The following BARX2 variants were observed in gnomAD, a reference collection of about 807,000 sequenced individuals.
The protein encoded by BARX2 is homeobox protein BarH-like 2.
A neutral mutation model predicts 25.5 loss-of-function variants in BARX2; 11 were observed. The observed-to-expected ratio is 0.43, with a 90% CI of 0.27 to 0.71. The LOEUF (loss-of-function observed/expected upper bound fraction) is 0.71. Among genes scored for constraint, BARX2 ranks in the 30% least tolerant of loss-of-function variants. The pLI, the probability that BARX2 is intolerant of heterozygous loss-of-function variation, is 0.19. For missense variants in BARX2, 360 were observed against 359.9 expected, an observed-to-expected ratio of 1.00 and a Z score of 0.00; for synonymous variants, 137 against 149.5, an observed-to-expected ratio of 0.92 and a Z score of 0.61.
intron 1 of BARX2, among the ~76,000 whole-genome samples, chr11:129,435,773 T>C (rs1862181253): frequency 6.6e-6 from 1 of 152,254 alleles, no homozygotes; most frequent in African/African-American, 2.4e-5. Context: ...TTTTAAGCTC[T>C]GTGTTGAATA....
At chr11:129,445,463 G>A (rs770082780) in intron 3 of BARX2, among the ~76,000 whole-genome samples, 51 of 152,330 alleles carry the variant, frequency 3.3e-4, no homozygotes, top group Non-Finnish European at 6.0e-4. Flanking sequence ...CAGCAACAGC[G>A]TTGCTGGCAT....
chr11:129,428,552 T>A (rs988676543), intron 1 of BARX2, among the ~76,000 whole-genome samples: 1 of 152,240 alleles, frequency 6.6e-6, no homozygotes, highest in Non-Finnish European at 1.5e-5. Context: ...GGGTCAATGC[T>A]ACTTTGTTGG....
In BARX2 at chr11:129,382,511, G is replaced by A. The variant is rs140643899; in HGVS notation, c.187+6289G>A. Among the ~76,000 whole-genome samples the A allele has an allele frequency of 2.0e-4, 31 of 152,242 alleles. No individual in the cohort carries two copies. In the East Asian group the frequency reaches 5.2e-3, roughly 26 times the overall value. On this transcript the variant is annotated intron_variant, in intron 1 of 3. Transcript: ENST00000281437. Reference sequence around the variant, plus strand: ...CTTAATTTGTACTGAGCTCGTGAACGTGCATGCTATGGAGCCTGAGGGTCT... The same window carrying A: ...CTTAATTTGTACTGAGCTCGTGAACATGCATGCTATGGAGCCTGAGGGTCT...
chr11:129,404,730 G>T (rs73024960), intron 1 of BARX2, among the ~76,000 whole-genome samples: 4,447 of 152,262 alleles, frequency 0.029, 74 homozygotes, highest in Middle Eastern at 0.068. Context: ...TTTGGTGTGA[G>T]CAGTGAATGG....
intron 1 of BARX2, among the ~76,000 whole-genome samples, chr11:129,388,512 T>G (rs114641459): frequency 6.6e-6 from 1 of 152,222 alleles, no homozygotes; most frequent in African/African-American, 2.4e-5. Flanking sequence ...TCATTCATTA[T>G]CAACTAGAGA....
intron 1 of BARX2, among the ~76,000 whole-genome samples, chr11:129,428,778 C>A (rs887695860): frequency 6.6e-6 from 1 of 152,134 alleles, no homozygotes; most frequent in South Asian, 2.1e-4. Flanking sequence ...TGCCTCATTG[C>A]GATTCTATTT....
At chr11:129,449,893 G>A (rs1045624495) in intron 3 of BARX2, among the ~76,000 whole-genome samples, 2 of 152,166 alleles carry the variant, frequency 1.3e-5, no homozygotes, top group Non-Finnish European at 2.9e-5. Flanking sequence ...ACGGCAGAGG[G>A]CATTTAACCT....
rs556827769 is a variant in BARX2 at position 129,441,504 on chromosome 11, C to T, written c.489-1331C>T. 6.6e-5 allele frequency among the ~76,000 whole-genome samples: 10 copies of T among 152,230 alleles called. No individual in the cohort carries two copies. The East Asian group carries it at 7.7e-4, about 12-fold the overall frequency. ...CACTCCATTGCCTAGGCTGCAGTGC[C>T]GTGGCGCCATCTCGGCTCACTGCAA... is the stretch of plus-strand genomic sequence containing the variant. On this transcript the variant is annotated intron_variant, in intron 2 of 3. Transcript: ENST00000281437.
intron 1 of BARX2, among the ~76,000 whole-genome samples, chr11:129,380,574 G>A (rs1861552464): frequency 6.6e-6 from 1 of 152,090 alleles, no homozygotes; most frequent in Non-Finnish European, 1.5e-5. Context: ...CAAGGTCTGG[G>A]AAAAATGATC....
chr11:129,433,466 C>T (rs923645381), intron 1 of BARX2, among the ~76,000 whole-genome samples: 6 of 152,178 alleles, frequency 3.9e-5, no homozygotes, highest in African/African-American at 1.4e-4. Context: ...TTAAAAATCA[C>T]ATTTTGAATA....
intron 1 of BARX2, among the ~76,000 whole-genome samples, chr11:129,381,234 C>T (rs1861560862): frequency 6.6e-6 from 1 of 152,148 alleles, no homozygotes; most frequent in African/African-American, 2.4e-5. Context: ...TAATTTCATG[C>T]AACAAATATT....
intron 1 of BARX2, among the ~76,000 whole-genome samples, chr11:129,417,859 TC>T (rs1861961817): frequency 1.3e-5 from 2 of 152,242 alleles, no homozygotes; most frequent in African/African-American, 4.8e-5. Flanking sequence ...TTCGTAAGTT[TC>T]TATTTTCTGA....
Position 129,376,827 on chromosome 11 carries a change from T to C in BARX2, c.187+605T>C, listed in dbSNP as rs1861509522. On this transcript the variant is annotated intron_variant, in intron 1 of 3. Transcript: ENST00000281437. The surrounding 1 kb of genome is among the most constrained non-coding windows in gnomAD (Gnocchi z 4.2). ...TCAAGCCGAAAAGGTCACCCTCGTT[T>C]GTCTTAAGTGACCAAAACCAGCAAT... 6.6e-6 allele frequency among the ~76,000 whole-genome samples: 1 copy of C among 152,258 alleles called. No homozygotes were observed. Among genetic ancestry groups the C allele is most frequent in the Non-Finnish European group, 1.5e-5 (1 of 68,040 alleles).
At chr11:129,430,212 G>A (rs1353112) in intron 1 of BARX2, among the ~76,000 whole-genome samples, 152,246 of 152,326 alleles carry the variant, frequency 1, 76,084 homozygotes, top group Middle Eastern at 1. Context: ...GGAATTTACT[G>A]TATCTTAACC....
At chr11:129,440,803 C>T (rs2135414007) in intron 2 of BARX2, among the ~76,000 whole-genome samples, 1 of 152,322 alleles carries the variant, frequency 6.6e-6, no homozygotes, top group African/African-American at 2.4e-5. Flanking sequence ...AGGTGGAGAG[C>T]TGCAGCTGAA....
chr11:129,413,399 G>A (rs1273619186), intron 1 of BARX2, among the ~76,000 whole-genome samples: 3 of 152,172 alleles, frequency 2.0e-5, no homozygotes, highest in Non-Finnish European at 2.9e-5. Context: ...AGGCCAGAGC[G>A]TGGCAAATGT....
intron 1 of BARX2, among the ~76,000 whole-genome samples, chr11:129,416,146 C>T (rs867913968): frequency 4.6e-5 from 7 of 152,148 alleles, no homozygotes; most frequent in Non-Finnish European, 8.8e-5. Flanking sequence ...GTGTTCAGGG[C>T]CAGGGACTTG....
chr11:129,446,358 C>T (rs1445072395), intron 3 of BARX2, among the ~76,000 whole-genome samples: 2 of 152,202 alleles, frequency 1.3e-5, no homozygotes, highest in Non-Finnish European at 2.9e-5. Context: ...TAGTTAACAA[C>T]TCCATGAATT....
At chr11:129,378,563 C>CT (rs56804728) in intron 1 of BARX2, among the ~76,000 whole-genome samples, 29,142 of 110,778 alleles carry the variant, frequency 0.26, 3,127 homozygotes, top group Admixed American at 0.34. Flanking sequence ...TTTTCTTTTT[C>CT]TTTTTTTTTT....
Sources: allele counts gnomAD v4.1 joint callset (sites outside exome capture counted in the v4.1 genomes callset), GRCh38; gene constraint gnomAD v4.1.1; non-coding constraint Gnocchi (gnomAD v3.1); transcripts MANE v1.5; gene names NCBI Gene and HGNC (gene_info 2026-07-23, HGNC 2026-07-21).